The following TLK1 variants were observed in gnomAD, a reference collection of about 807,000 sequenced individuals.
TLK1 encodes the protein tousled like kinase 1.
TLK1 carries 24 observed loss-of-function variants against 105.3 expected under a neutral mutation model. The ratio of observed to expected loss-of-function variants is 0.23; its 90% CI spans 0.17 to 0.32. TLK1 has a LOEUF of 0.32. Among genes scored for constraint, TLK1 ranks in the 10% least tolerant of loss-of-function variants. The probability of loss-of-function intolerance (pLI) is 1.00; values close to 1 mark genes in which losing one functional copy is unlikely to be tolerated. For synonymous variants in TLK1, 321 were observed against 310.4 expected (o/e 1.03, Z -0.36); for missense variants, 558 against 910.5 (o/e 0.61, Z 4.98).
At chr2:171,168,947 GCATGC>G (rs1558979031) in intron 1 of TLK1, among the ~76,000 whole-genome samples, 1 of 151,928 alleles carries the variant, frequency 6.6e-6, no homozygotes, top group Non-Finnish European at 1.5e-5. Flanking sequence ...GTGTGGTGGC[GCATGC>G]CTGTAATCCC....
intron 1 of TLK1, among the ~76,000 whole-genome samples, chr2:171,154,700 A>G (rs112499157): frequency 3.9e-5 from 6 of 152,324 alleles, no homozygotes; most frequent in African/African-American, 1.4e-4. Context: ...ACTACTTCAT[A>G]ACAATATTCC....
chr2:171,000,603 C>T (rs1354782418), intron 18 of TLK1, among the ~76,000 whole-genome samples: 3 of 151,944 alleles, frequency 2.0e-5, no homozygotes, highest in African/African-American at 7.3e-5. Context: ...TCATCCTTGT[C>T]ATCTTTAGGT....
intron 1 of TLK1, among the ~76,000 whole-genome samples, chr2:171,123,518 G>C (rs1690743758): frequency 6.6e-6 from 1 of 152,140 alleles, no homozygotes; most frequent in Non-Finnish European, 1.5e-5. Context: ...TGTTAATACT[G>C]ATCTGCAGGC....
chr2:171,046,420 A>G, intron 10 of TLK1, 58 bp from the exon 11 acceptor site: 1 of 1,478,924 alleles, frequency 6.8e-7, no homozygotes, highest in East Asian at 2.3e-5. Context: ...TCAAGGCTAA[A>G]CTTGGAAAAA....
chr2:171,045,954 T>C (rs193198612), intron 11 of TLK1: 1 of 412,110 alleles, frequency 2.4e-6, no homozygotes, highest in East Asian at 3.7e-5. Context: ...CTTAGCTACC[T>C]AGGTCTCTGT....
At chr2:171,132,015 C>T (rs1691124101) in intron 1 of TLK1, among the ~76,000 whole-genome samples, 2 of 152,158 alleles carry the variant, frequency 1.3e-5, no homozygotes, top group African/African-American at 4.8e-5. Flanking sequence ...CTCCATCCAT[C>T]CAATTCTCAG....
chr2:171,112,847 A>G (rs1183075259), intron 2 of TLK1, among the ~76,000 whole-genome samples: 3 of 152,202 alleles, frequency 2.0e-5, no homozygotes, highest in Non-Finnish European at 2.9e-5. Flanking sequence ...GAAAATTCCT[A>G]AGAAGTCCAT....
intron 1 of TLK1, among the ~76,000 whole-genome samples, chr2:171,208,737 C>G (rs1215403571): frequency 6.6e-6 from 1 of 152,204 alleles, no homozygotes; most frequent in South Asian, 2.1e-4. Flanking sequence ...CCAAAGTTTA[C>G]AACTCATTCT....
intron 1 of TLK1, among the ~76,000 whole-genome samples, chr2:171,118,469 T>C (rs1163408778): frequency 6.6e-6 from 1 of 152,206 alleles, no homozygotes; most frequent in African/African-American, 2.4e-5. Flanking sequence ...TTTGTACGGT[T>C]GATAGTTTTA....
At chr2:171,158,883 G>C (rs1056722557) in intron 1 of TLK1, among the ~76,000 whole-genome samples, 1 of 152,178 alleles carries the variant, frequency 6.6e-6, no homozygotes, top group Non-Finnish European at 1.5e-5. Context: ...AGATGAAAGG[G>C]GGAAACGTCT....
At chr2:171,171,127 G>A (rs1208556065) in intron 1 of TLK1, among the ~76,000 whole-genome samples, 4 of 152,206 alleles carry the variant, frequency 2.6e-5, no homozygotes, top group Non-Finnish European at 1.5e-5. Flanking sequence ...GACATGAAAT[G>A]TGCTAACCAT....
chr2:171,188,005 G>A (rs1693068146), intron 1 of TLK1, among the ~76,000 whole-genome samples: 1 of 152,182 alleles, frequency 6.6e-6, no homozygotes, highest in African/African-American at 2.4e-5. Flanking sequence ...AAAGTCATGG[G>A]AGGGGCAAGG....
At chr2:171,073,264 G>A (rs574712245) in intron 3 of TLK1, among the ~76,000 whole-genome samples, 1 of 152,168 alleles carries the variant, frequency 6.6e-6, no homozygotes, top group Non-Finnish European at 1.5e-5. Flanking sequence ...AATAAGTGGT[G>A]AAGGTGGGCA....
Position 170,993,689 on chromosome 2 carries a change from AAG to A in TLK1, c.*89_*90del, listed in dbSNP as rs1553602255. 1.6e-5 allele frequency: 16 copies of A among 971,586 alleles called. No individual in the cohort carries two copies. The highest frequency in any genetic ancestry group is 6.3e-5 in the South Asian group (2 of 31,786). 60.2% of individuals were successfully genotyped at this position (971,586 alleles called of 1,614,324 possible). On this transcript the variant is annotated 3_prime_UTR_variant, in exon 21 of 21. Coordinates refer to ENST00000431350, the MANE Select transcript of TLK1 (RefSeq NM_012290.5). Reference sequence around the variant, plus strand: ...TGTGTAAAAAAAAAAAAAAAAAAAAAAGAAAAAGAAAACAAACACTCAAATGC... The same window carrying A: ...TGTGTAAAAAAAAAAAAAAAAAAAAAAAAAAGAAAACAAACACTCAAATGC...
chr2:171,118,391 T>C (rs997891517), intron 1 of TLK1, among the ~76,000 whole-genome samples: 3 of 152,362 alleles, frequency 2.0e-5, no homozygotes, highest in Admixed American at 2.0e-4. Context: ...TTTATGTATA[T>C]CTTATATAAC....
intron 1 of TLK1, among the ~76,000 whole-genome samples, chr2:171,227,413 A>T (rs10169565): frequency 0.056 from 8,547 of 152,208 alleles, 498 homozygotes; most frequent in East Asian, 0.25. Flanking sequence ...CTACAACTGC[A>T]GGAGAGCTTG....
intron 1 of TLK1, among the ~76,000 whole-genome samples, chr2:171,141,729 C>G (rs922001240): frequency 6.6e-6 from 1 of 151,688 alleles, no homozygotes; most frequent in African/African-American, 2.4e-5. Flanking sequence ...CTCCCTCCCC[C>G]CAAAAAAATC....
At chr2:171,212,809 G>A (rs1440228536) in intron 1 of TLK1, among the ~76,000 whole-genome samples, 2 of 152,096 alleles carry the variant, frequency 1.3e-5, no homozygotes, top group African/African-American at 4.8e-5. Context: ...AGATATTTGA[G>A]CTTCCTATGA....
chr2:171,042,401 C>T (rs1389095034), intron 11 of TLK1, among the ~76,000 whole-genome samples: 1 of 152,026 alleles, frequency 6.6e-6, no homozygotes, highest in East Asian at 1.9e-4. Flanking sequence ...CATGCCACCA[C>T]ACTTGGCTAA....
Sources: gnomAD v4.1 joint callset for allele counts (sites outside exome capture counted in the v4.1 genomes callset) on GRCh38, gnomAD v4.1.1 for gene constraint, MANE v1.5 for transcripts, NCBI Gene and HGNC (gene_info 2026-07-23, HGNC 2026-07-21) for gene names.